SDK1: variants seen among roughly 807,000 people sequenced by gnomAD.
The protein encoded by SDK1 is protein sidekick-1.
SDK1 carries 157 observed loss-of-function variants against 245.5 expected under a neutral mutation model. The ratio of observed to expected loss-of-function variants is 0.64; its 90% confidence interval spans 0.56 to 0.73. The LOEUF is 0.73. SDK1 is among the 30% of genes least tolerant of loss of function. SDK1 has a pLI of 0.00. For synonymous variants in SDK1, 1,647 were observed against 1,278.5 expected, an observed-to-expected ratio of 1.29 and a Z score of -6.15; for missense variants, 3,583 against 3,002.3, an observed-to-expected ratio of 1.19 and a Z score of -4.52.
intron 14 of SDK1, among the ~76,000 whole-genome samples, chr7:3,998,310 G>A (rs970044890): frequency 1.4e-4 from 21 of 152,246 alleles, no homozygotes; most frequent in Non-Finnish European, 2.8e-4. Context: ...TGATGGCAGC[G>A]GCAGGCTGTC....
At chr7:3,360,434 C>T (rs1780921163) in intron 1 of SDK1, among the ~76,000 whole-genome samples, 1 of 152,078 alleles carries the variant, frequency 6.6e-6, no homozygotes, top group African/African-American at 2.4e-5. Flanking sequence ...CTGGGATGTC[C>T]CACTCAGATG....
intron 4 of SDK1, among the ~76,000 whole-genome samples, chr7:3,646,971 A>T (rs994213020): frequency 7.9e-5 from 12 of 152,240 alleles, no homozygotes; most frequent in African/African-American, 2.7e-4. Flanking sequence ...GTGGGGAGTT[A>T]TGTTTAATGG....
At chr7:3,875,319 C>G (rs113778583) in intron 5 of SDK1, among the ~76,000 whole-genome samples, 17 of 152,216 alleles carry the variant, frequency 1.1e-4, no homozygotes, top group Non-Finnish European at 2.2e-4. Context: ...CTTTCCAGCT[C>G]TCTACCTCTA....
chr7:3,863,231 G>A (rs959384937), intron 5 of SDK1, among the ~76,000 whole-genome samples: 1 of 152,122 alleles, frequency 6.6e-6, no homozygotes, highest in African/African-American at 2.4e-5. Context: ...AATGAATAGT[G>A]TTAGCCCTGC....
chr7:4,242,096 C>T (rs980567478), intron 43 of SDK1, among the ~76,000 whole-genome samples, 183 bp downstream of exon 43: 2 of 152,164 alleles, frequency 1.3e-5, no homozygotes, highest in Non-Finnish European at 2.9e-5. Flanking sequence ...GGGACGGGGT[C>T]GGCAGAGCGG....
intron 4 of SDK1, among the ~76,000 whole-genome samples, chr7:3,806,376 ACATTAGGACG>A (rs879794225): frequency 0.035 from 3,947 of 112,376 alleles, 148 homozygotes; most frequent in African/African-American, 0.14. Context: ...GTGGATGTCC[ACATTAGGACG>A]TGGATGTCCT....
intron 5 of SDK1, 95 bp downstream of exon 5, chr7:3,821,678 T>C: frequency 1.4e-6 from 2 of 1,394,332 alleles, no homozygotes; most frequent in Non-Finnish European, 9.9e-7. Flanking sequence ...CAATAAATTT[T>C]CTCTCTCTAG....
At chr7:3,401,719 A>C (rs770321565) in intron 1 of SDK1, among the ~76,000 whole-genome samples, 2 of 151,922 alleles carry the variant, frequency 1.3e-5, no homozygotes, top group Admixed American at 6.6e-5. Context: ...AGATAATGCT[A>C]CTGATGTGTA....
chr7:4,229,110 CT>C (rs1785600330), intron 40 of SDK1, among the ~76,000 whole-genome samples: 1 of 152,154 alleles, frequency 6.6e-6, no homozygotes, highest in Admixed American at 6.5e-5. Context: ...TATTTTCCCC[CT>C]AATTTGTAGA....
In SDK1 at chr7:4,192,535, G is replaced by A. The variant is rs570105583; in HGVS notation, c.5099-13344G>A. Among the ~76,000 whole-genome samples, 10 of 152,222 alleles carry A rather than the reference G, an allele frequency of 6.6e-5. No individual in the cohort carries two copies. The East Asian group carries it at 1.7e-3, about 26-fold the overall frequency. ...CGTGATCCACCCGCCTCGGCCTCCT[G>A]AAGTGCTGGGATTACAGGTGTGAGC... On this transcript the variant is annotated intron_variant, in intron 35 of 44. Coordinates refer to ENST00000404826, the MANE Select transcript of SDK1 (RefSeq NM_152744.4).
intron 1 of SDK1, among the ~76,000 whole-genome samples, chr7:3,493,504 T>C (rs1462531094): frequency 6.6e-6 from 1 of 152,324 alleles, no homozygotes; most frequent in East Asian, 1.9e-4. Context: ...TGTTTTGTTT[T>C]TAATTTACAT....
chr7:4,095,226 C>G (rs1782070440), intron 22 of SDK1, among the ~76,000 whole-genome samples: 1 of 128,620 alleles, frequency 7.8e-6, no homozygotes, highest in Admixed American at 7.8e-5. Flanking sequence ...CACATCTGAG[C>G]TCTTCCTCAG....
chr7:3,806,440 C>T (rs1470813482), intron 4 of SDK1, among the ~76,000 whole-genome samples: 2 of 152,236 alleles, frequency 1.3e-5, no homozygotes, highest in African/African-American at 4.8e-5. Flanking sequence ...TCATGTGACC[C>T]AACAGACGGC....
intron 42 of SDK1, among the ~76,000 whole-genome samples, chr7:4,240,343 A>G (rs1338377515): frequency 5.3e-5 from 8 of 152,010 alleles, no homozygotes; most frequent in African/African-American, 1.9e-4. Flanking sequence ...CCTGCCCAGG[A>G]GACATTGCAG....
At position 4,221,272 on chromosome 7, in the gene SDK1, C is replaced by G. The variant is rs779905081; in HGVS notation, c.5735C>G (p.Thr1912Ser). The change falls in exon 40 of 45, where the codon ACC (threonine) becomes AGC (serine). Residue 1912 changes from threonine (T) to serine (S), a missense_variant. By Grantham distance (58) the Thr-to-Ser change is moderately conservative. Transcript: ENST00000404826. ...GGCTCGCCTAGAGATGTCCTGGTCA[C>G]CAAGTCCGCCTCTGAACTGACGCTG... ...SPGSPRDVLV[T>S]KSASELTLQW... 6.2e-7 allele frequency: 1 copy of G among 1,613,758 alleles called. No individual in the cohort carries two copies. The highest frequency in any genetic ancestry group is 1.3e-5 in the African/African-American group (1 of 74,926).
At chr7:3,513,474 G>T (rs762256805) in intron 1 of SDK1, among the ~76,000 whole-genome samples, 4 of 152,096 alleles carry the variant, frequency 2.6e-5, no homozygotes, top group South Asian at 2.1e-4. Context: ...TTAAATTTCA[G>T]TGCAATAGAA....
rs535006129 is a variant in SDK1, at chr7:3,802,334, G to T, written c.714-19116G>T. On this transcript the variant is annotated intron_variant, in intron 4 of 44. Transcript: ENST00000404826. Reference sequence around the variant, plus strand: ...AGCCTGGAAGTTCAAGACCGGCCTGGGCAACATACCAAGACCTTATTTCTA... The same window carrying T: ...AGCCTGGAAGTTCAAGACCGGCCTGTGCAACATACCAAGACCTTATTTCTA... Among the ~76,000 whole-genome samples, 4 of 151,822 alleles carry T rather than the reference G, an allele frequency of 2.6e-5. No individual in the cohort carries two copies. In the East Asian group the frequency reaches 5.8e-4, roughly 22 times the overall value.
chr7:4,090,551 G>T (rs1437086566), intron 22 of SDK1, among the ~76,000 whole-genome samples: 1 of 152,178 alleles, frequency 6.6e-6, no homozygotes, highest in African/African-American at 2.4e-5. Flanking sequence ...GGGTGGCGGG[G>T]AGCCCATCCA....
At chr7:3,982,405 G>A (rs371977752) in intron 13 of SDK1, among the ~76,000 whole-genome samples, 12 of 152,246 alleles carry the variant, frequency 7.9e-5, no homozygotes, top group African/African-American at 2.9e-4. Flanking sequence ...GGATGAAGGT[G>A]GACTTTTGAC....
Sources: allele counts gnomAD v4.1 joint callset (sites outside exome capture counted in the v4.1 genomes callset), GRCh38; gene constraint gnomAD v4.1.1; transcripts MANE v1.5; gene names NCBI Gene and HGNC (gene_info 2026-07-23, HGNC 2026-07-21).